Variants in CELF4 observed in about 807,000 individuals in gnomAD.
CELF4 encodes CUGBP Elav-like family member 4.
In CELF4, 18 loss-of-function variants were observed where a neutral mutation model predicts 59.9. The observed-to-expected ratio is 0.30, with a 90% CI of 0.21 to 0.45. The LOEUF is 0.45. Among genes scored for constraint, CELF4 ranks in the 20% least tolerant of loss-of-function variants. CELF4 has a pLI of 1.00. For synonymous variants in CELF4, 261 were observed against 267.1 expected, an observed-to-expected ratio of 0.98 and a Z score of 0.22; for missense variants, 456 against 689.0, an observed-to-expected ratio of 0.66 and a Z score of 3.79.
At chr18:37,275,329 GAAAGGGAGGAGCC>G in intron 3 of CELF4, 86 bp from the exon 4 acceptor site, 1 of 1,270,764 alleles carries the variant, frequency 7.9e-7, no homozygotes, top group East Asian at 5.4e-5. Context: ...GAGCGGCAGG[GAAAGGGAGGAGCC>G]GGGGAGGCGG....
At chr18:37,371,913 T>A (rs2098892974) in intron 2 of CELF4, among the ~76,000 whole-genome samples, 1 of 152,218 alleles carries the variant, frequency 6.6e-6, no homozygotes, top group Non-Finnish European at 1.5e-5. Context: ...CAGCTCTGAG[T>A]ACACTCTTCT....
intron 2 of CELF4, among the ~76,000 whole-genome samples, chr18:37,338,024 TGTCGCTGCCACC>T (rs2097841213): frequency 6.8e-6 from 1 of 147,766 alleles, no homozygotes; most frequent in Non-Finnish European, 1.5e-5. Context: ...CCACCACCAC[TGTCGCTGCCACC>T]ATCTGTTACC....
intron 2 of CELF4, among the ~76,000 whole-genome samples, chr18:37,443,036 A>G (rs1289772562): frequency 6.6e-6 from 1 of 152,174 alleles, no homozygotes; most frequent in Non-Finnish European, 1.5e-5. Flanking sequence ...ACGTGTGGCC[A>G]AACAAGGGGC....
At chr18:37,267,059 T>C (rs1187060456) in intron 8 of CELF4, among the ~76,000 whole-genome samples, 1 of 152,196 alleles carries the variant, frequency 6.6e-6, no homozygotes, top group African/African-American at 2.4e-5. Context: ...TTTGTCCTCC[T>C]GGGCCACTGT....
intron 2 of CELF4, among the ~76,000 whole-genome samples, chr18:37,423,407 T>C (rs367921693): frequency 1.3e-5 from 2 of 152,034 alleles, no homozygotes; most frequent in African/African-American, 4.8e-5. Flanking sequence ...CAGAGTGGGA[T>C]GGGAAGACTG....
At chr18:37,404,366 T>C (rs1313609581) in intron 2 of CELF4, among the ~76,000 whole-genome samples, 1 of 152,258 alleles carries the variant, frequency 6.6e-6, no homozygotes, top group Non-Finnish European at 1.5e-5. Flanking sequence ...TTCCAAATCC[T>C]GGAGTGCCTT....
At chr18:37,520,039 C>G (rs1383571287) in intron 1 of CELF4, among the ~76,000 whole-genome samples, 1 of 152,194 alleles carries the variant, frequency 6.6e-6, no homozygotes, top group Non-Finnish European at 1.5e-5. Flanking sequence ...TTGGGGGAGA[C>G]TGGGGCTTCC....
At chr18:37,331,891 G>A (rs1042432151) in intron 2 of CELF4, among the ~76,000 whole-genome samples, 2 of 152,104 alleles carry the variant, frequency 1.3e-5, no homozygotes, top group Admixed American at 6.5e-5. Context: ...TGGTGTGGCC[G>A]CAGAGGATCT....
chr18:37,392,497 G>A (rs1331013218), intron 2 of CELF4, among the ~76,000 whole-genome samples: 3 of 152,182 alleles, frequency 2.0e-5, no homozygotes, highest in African/African-American at 7.2e-5. Context: ...GAGCTGAGAG[G>A]AGCGGGGAAG....
In CELF4 at chr18:37,243,504, A is replaced by AT. The variant is rs2060982588; in HGVS notation, c.*1737dup. 2 of 152,130 alleles carry AT rather than the reference A, an allele frequency of 1.3e-5. No homozygotes were observed. Among genetic ancestry groups the AT allele is most frequent in the African/African-American group, 4.8e-5 (2 of 41,456 alleles). 9.4% of individuals were successfully genotyped at this position (152,130 alleles called of 1,614,324 possible). A position where few individuals can be genotyped will look rare whatever the true frequency, so the allele number is the denominator to read the frequency against. ...CTTAAATAATTCAGTGTTTTTTCTG[A>AT]TTCTGAGTTTTTTAAGCAATGTCTT... On this transcript the variant is annotated 3_prime_UTR_variant, in exon 13 of 13. Coordinates refer to ENST00000420428, the MANE Select transcript of CELF4 (RefSeq NM_020180.4).
At chr18:37,469,515 C>A (rs1460602645) in intron 2 of CELF4, among the ~76,000 whole-genome samples, 1 of 152,196 alleles carries the variant, frequency 6.6e-6, no homozygotes, top group Non-Finnish European at 1.5e-5. Context: ...TGGCAGGATT[C>A]AAAGCCCACA....
intron 3 of CELF4, among the ~76,000 whole-genome samples, chr18:37,315,794 C>G (rs992137395): frequency 6.6e-6 from 1 of 152,184 alleles, no homozygotes; most frequent in Non-Finnish European, 1.5e-5. Context: ...ATCAGCCACT[C>G]GTCCCCTCCT....
At chr18:37,312,131 G>GAAAAAA (rs11309116) in intron 3 of CELF4, among the ~76,000 whole-genome samples, 1 of 113,058 alleles carries the variant, frequency 8.8e-6, no homozygotes, top group Non-Finnish European at 1.8e-5. Context: ...AAAAAAAAAA[G>GAAAAAA]AAAAAAAAAA....
At chr18:37,379,726 A>C (rs917444959) in intron 2 of CELF4, among the ~76,000 whole-genome samples, 2 of 152,156 alleles carry the variant, frequency 1.3e-5, no homozygotes, top group African/African-American at 4.8e-5. Flanking sequence ...GACTCAGGGC[A>C]GGACTTACTG....
chr18:37,282,051 G>A (rs1209467715), intron 3 of CELF4, among the ~76,000 whole-genome samples: 1 of 152,184 alleles, frequency 6.6e-6, no homozygotes, highest in Non-Finnish European at 1.5e-5. Context: ...GCAGGCTCAG[G>A]CAAGGCATAT....
intron 2 of CELF4, among the ~76,000 whole-genome samples, chr18:37,405,395 G>A (rs1677539584): frequency 6.6e-6 from 1 of 152,164 alleles, no homozygotes; most frequent in Admixed American, 6.5e-5. Context: ...TCTCAGGACT[G>A]GGTAACCATC....
intron 2 of CELF4, among the ~76,000 whole-genome samples, chr18:37,386,233 G>A (rs2099097875): frequency 6.6e-6 from 1 of 152,204 alleles, no homozygotes; most frequent in African/African-American, 2.4e-5. Context: ...CAATTATTAT[G>A]TGATGTGTTG....
At chr18:37,548,496 A>G (rs1026525440) in intron 1 of CELF4, among the ~76,000 whole-genome samples, 2 of 152,188 alleles carry the variant, frequency 1.3e-5, no homozygotes, top group African/African-American at 2.4e-5. Flanking sequence ...GTCACGTAGT[A>G]GGTGCATTGC....
chr18:37,424,878 C>A (rs2099602086), intron 2 of CELF4, among the ~76,000 whole-genome samples: 1 of 152,174 alleles, frequency 6.6e-6, no homozygotes, highest in Non-Finnish European at 1.5e-5. Flanking sequence ...ACTCTTGCTA[C>A]CTGCCTGCTA....
Sources: allele counts gnomAD v4.1 joint callset (sites outside exome capture counted in the v4.1 genomes callset), GRCh38; gene constraint gnomAD v4.1.1; transcripts MANE v1.5; gene names NCBI Gene and HGNC (gene_info 2026-07-23, HGNC 2026-07-21).